Variants in INTS4 observed in about 807,000 individuals in gnomAD.
INTS4 encodes MSTP093.
In INTS4, 70 loss-of-function variants were observed where a neutral mutation model predicts 119.5. The ratio of observed to expected loss-of-function variants is 0.59; its 90% CI spans 0.48 to 0.71. The LOEUF is 0.71. Ranked by LOEUF, INTS4 falls within the 30% of genes least tolerant of loss-of-function variation. The pLI is 0.00. For synonymous variants in INTS4, 316 were observed against 419.6 expected, an observed-to-expected ratio of 0.75 and a Z score of 3.02; for missense variants, 867 against 1,173.2, an observed-to-expected ratio of 0.74 and a Z score of 3.81.
chr11:77,922,925 C>G (rs1439704545), intron 12 of INTS4: 1 of 198,950 alleles, frequency 5.0e-6, no homozygotes, highest in African/African-American at 2.4e-5. Context: ...GGGAGCTTCT[C>G]AGGGATGTTT....
intron 9 of INTS4, among the ~76,000 whole-genome samples, chr11:77,939,832 G>A (rs555997973): frequency 1.3e-5 from 2 of 150,154 alleles, no homozygotes; most frequent in South Asian, 4.2e-4. Flanking sequence ...GCGACAGAGC[G>A]AGACCCTGTC....
At chr11:77,969,764 C>T (rs1451709267) in intron 4 of INTS4, among the ~76,000 whole-genome samples, 2 of 118,512 alleles carry the variant, frequency 1.7e-5, no homozygotes, top group Non-Finnish European at 3.6e-5. Flanking sequence ...TCCCCTCCTG[C>T]AAAAAAAAAA....
intron 4 of INTS4, among the ~76,000 whole-genome samples, chr11:77,975,881 G>A (rs762552537): frequency 1.3e-4 from 19 of 151,918 alleles, no homozygotes; most frequent in Non-Finnish European, 2.1e-4. Context: ...GCCTGAACCC[G>A]GGAGGCAGAG....
intron 1 of INTS4, 97 bp downstream of exon 1, chr11:77,994,493 G>A (rs1012390935): frequency 7.5e-6 from 7 of 928,012 alleles, no homozygotes; most frequent in East Asian, 2.4e-5. Flanking sequence ...CACTTAACAC[G>A]GGCGTATGGA....
At chr11:77,913,704 A>G (rs1953141047) in intron 15 of INTS4, among the ~76,000 whole-genome samples, 1 of 152,236 alleles carries the variant, frequency 6.6e-6, no homozygotes, top group Admixed American at 6.5e-5. Flanking sequence ...ATATCATTAC[A>G]ATAATCTTCG....
At chr11:77,890,917 A>C (rs1261987634) in intron 21 of INTS4, among the ~76,000 whole-genome samples, 3 of 152,128 alleles carry the variant, frequency 2.0e-5, no homozygotes, top group Admixed American at 1.3e-4. Context: ...CCCAACCATA[A>C]ATTTTATCTG....
At chr11:77,991,824 C>A (rs1458046216) in intron 1 of INTS4, among the ~76,000 whole-genome samples, 1 of 152,086 alleles carries the variant, frequency 6.6e-6, no homozygotes, top group Non-Finnish European at 1.5e-5. Flanking sequence ...ATGGTGCAAT[C>A]TTGGCTTGCT....
At position 77,921,322 on chromosome 11, in the gene INTS4, C is replaced by T. The variant is rs1193544944; in HGVS notation, c.1764+18G>A. 1.9e-6 allele frequency: 3 copies of T among 1,609,356 alleles called. No individual in the cohort carries two copies. Among genetic ancestry groups the T allele is most frequent in the African/African-American group, 1.3e-5 (1 of 74,578 alleles). The stretch of plus-strand genomic sequence containing the variant: ...CCATGCAAAATAAAAACAAGGACAA[C>T]AGATGTTTTCAACATACCCTCAAGG... On this transcript the variant is annotated intron_variant, in intron 14 of 22. Transcript: ENST00000534064.
intron 16 of INTS4, among the ~76,000 whole-genome samples, chr11:77,906,937 G>A (rs1235535433): frequency 6.6e-6 from 1 of 152,142 alleles, no homozygotes; most frequent in Non-Finnish European, 1.5e-5. Context: ...TCATTTAATT[G>A]TTTTTTAACT....
chr11:77,904,957 C>G (rs1466352319), intron 16 of INTS4, among the ~76,000 whole-genome samples: 1 of 152,034 alleles, frequency 6.6e-6, no homozygotes, highest in Non-Finnish European at 1.5e-5. Context: ...ACTTGTGGAC[C>G]TAATTTTAGA....
chr11:77,955,471 A>G (rs1184401506), intron 8 of INTS4, among the ~76,000 whole-genome samples: 2 of 151,660 alleles, frequency 1.3e-5, no homozygotes, highest in African/African-American at 4.8e-5. Flanking sequence ...GGCTGGGTGT[A>G]GTGGCTCACA....
Position 77,975,143 on chromosome 11 carries a change from G to A in INTS4, c.471+3853C>T, listed in dbSNP as rs72941333. ...TCCTTCACATGCTTTAAGTTTAATG[G>A]GTGCTTCTTTTTCCAGCATCTTAAG... On this transcript the variant is annotated intron_variant, in intron 4 of 22. Transcript: ENST00000534064. Among the ~76,000 whole-genome samples, 1,281 of 150,456 alleles carry A rather than the reference G, an allele frequency of 8.5e-3. 12 individuals are homozygous for A. The highest frequency in any genetic ancestry group is 0.024 in the Middle Eastern group (7 of 288).
At chr11:77,988,493 T>A (rs1856544536) in intron 2 of INTS4, among the ~76,000 whole-genome samples, 1 of 152,282 alleles carries the variant, frequency 6.6e-6, no homozygotes, top group East Asian at 1.9e-4. Flanking sequence ...ACAAGGAACA[T>A]AATTAACAAG....
At chr11:77,934,604 CAAAAATAA>C (rs149332444) in intron 10 of INTS4, among the ~76,000 whole-genome samples, 4,852 of 149,912 alleles carry the variant, frequency 0.032, 228 homozygotes, top group African/African-American at 0.11. Flanking sequence ...CATTAAAACT[CAAAAATAA>C]AAAAATAAAA....
intron 18 of INTS4, among the ~76,000 whole-genome samples, chr11:77,900,250 C>T (rs543764692): frequency 6.6e-6 from 1 of 152,152 alleles, no homozygotes; most frequent in South Asian, 2.1e-4. Context: ...CTGGTGCATG[C>T]CACCATGCCC....
chr11:77,920,256 T>TACATATATATAC (rs776577966), intron 14 of INTS4, among the ~76,000 whole-genome samples: 344 of 18,142 alleles, frequency 0.019, 6 homozygotes, highest in Non-Finnish European at 0.017. Context: ...TATACATATA[T>TACATATATATAC]ACATATATAC....
intron 15 of INTS4, chr11:77,918,200 G>A (rs1271100412): frequency 4.4e-6 from 3 of 678,948 alleles, no homozygotes; most frequent in African/African-American, 1.8e-5. Flanking sequence ...GGGAGGCCGA[G>A]GCGGGAGGAT....
chr11:77,910,532 T>A lies in INTS4; in HGVS notation c.1923-2722A>T, dbSNP rs1953067072. On this transcript the variant is annotated intron_variant, in intron 15 of 22. Coordinates refer to ENST00000534064, the MANE Select transcript of INTS4 (RefSeq NM_033547.4). ...GGGTGCAGCACACCAACATGGCACA[T>A]GTATACATATGTAACTAACCTGCAC... 4.0e-5 allele frequency among the ~76,000 whole-genome samples: 6 copies of A among 151,892 alleles called. No individual in the cohort carries two copies. In the South Asian group the frequency reaches 1.2e-3, roughly 32 times the overall value.
At chr11:77,923,819 C>T (rs1193200247) in intron 12 of INTS4, among the ~76,000 whole-genome samples, 6 of 148,466 alleles carry the variant, frequency 4.0e-5, no homozygotes, top group Admixed American at 4.0e-4. Flanking sequence ...GGCTGGCATG[C>T]AGTGGCACAA....
Sources: gnomAD v4.1 joint callset for allele counts (sites outside exome capture counted in the v4.1 genomes callset) on GRCh38, gnomAD v4.1.1 for gene constraint, MANE v1.5 for transcripts, NCBI Gene and HGNC (gene_info 2026-07-23, HGNC 2026-07-21) for gene names.